The following RUFY3 variants were observed in gnomAD, a reference collection of about 807,000 sequenced individuals.
RUFY3 encodes the protein protein RUFY3.
RUFY3 carries 34 observed loss-of-function variants against 84.0 expected under a neutral mutation model. The observed-to-expected ratio is 0.40, with a 90% CI of 0.31 to 0.54. RUFY3 has a LOEUF of 0.54. Among genes scored for constraint, RUFY3 ranks in the 20% least tolerant of loss-of-function variants. RUFY3 has a pLI of 0.39. For missense variants in RUFY3, 507 were observed against 736.8 expected, an observed-to-expected ratio of 0.69 and a Z score of 3.61; for synonymous variants, 242 against 252.9, an observed-to-expected ratio of 0.96 and a Z score of 0.41.
intron 16 of RUFY3, 79 bp from the exon 17 acceptor site, chr4:70,804,269 G>T: frequency 9.1e-7 from 1 of 1,098,068 alleles, no homozygotes. Context: ...TATTAATATT[G>T]TAGGTAAAAA....
chr4:70,746,019 A>G (rs7698853), intron 1 of RUFY3, among the ~76,000 whole-genome samples: 20,045 of 151,402 alleles, frequency 0.13, 2,983 homozygotes, highest in African/African-American at 0.37. Context: ...CAGCCTGGGC[A>G]ATAGAGTGAG....
upstream of RUFY3, chr4:70,721,786 A>G (rs1334289700): frequency 2.4e-6 from 2 of 835,296 alleles, no homozygotes; most frequent in Admixed American, 6.2e-5. Flanking sequence ...TGATGAGGAT[A>G]TGTGCATTGT....
At chr4:70,747,483 A>G (rs1431498318) in intron 1 of RUFY3, among the ~76,000 whole-genome samples, 2 of 150,500 alleles carry the variant, frequency 1.3e-5, no homozygotes, top group African/African-American at 4.9e-5. Context: ...TACGGTAGCC[A>G]CTGTCTAGGT....
chr4:70,725,402 C>G (rs1718067083), intron 1 of RUFY3, among the ~76,000 whole-genome samples: 1 of 151,282 alleles, frequency 6.6e-6, no homozygotes, highest in Non-Finnish European at 1.5e-5. Context: ...GCAATCTTGG[C>G]TCACTGAAAA....
rs956677220 is a variant in RUFY3, at chr4:70,778,905, G to T, written c.894+467G>T. Among the ~76,000 whole-genome samples the T allele has an allele frequency of 5.3e-5, 8 of 152,140 alleles. No homozygotes were observed. The East Asian group carries it at 9.7e-4, about 18-fold the overall frequency. ...CATAACTCCTTATTCTGACTAGAAC[G>T]GCCCAGTTGGCTTATTGCAGGGATC... is the stretch of plus-strand genomic sequence containing the variant. On this transcript the variant is annotated intron_variant, in intron 8 of 17. Transcript: ENST00000381006.
intron 1 of RUFY3, among the ~76,000 whole-genome samples, chr4:70,711,940 A>G (rs1741046732): frequency 6.6e-6 from 1 of 152,108 alleles, no homozygotes; most frequent in African/African-American, 2.4e-5. Context: ...TGTTGCACCT[A>G]TTCTTCTGGC....
chr4:70,750,873 A>G (rs1192349362), intron 1 of RUFY3, among the ~76,000 whole-genome samples: 1 of 152,136 alleles, frequency 6.6e-6, no homozygotes, highest in Non-Finnish European at 1.5e-5. Context: ...TCTTTCACTT[A>G]GTATATGTTT....
Position 70,806,662 on chromosome 4 carries a change from C to T in RUFY3, c.*3C>T, listed in dbSNP as rs775811908. On this transcript the variant is annotated 3_prime_UTR_variant, in exon 18 of 18. Transcript: ENST00000381006. ...AATATTCTACCAGCCCATCATAAGA[C>T]TGGAGGCCAAGACCTGGACCAAAAC... is the stretch of plus-strand genomic sequence containing the variant. 1 of 1,614,032 alleles carries T rather than the reference C, an allele frequency of 6.2e-7. No homozygotes were observed. The highest frequency in any genetic ancestry group is 2.2e-5 in the East Asian group (1 of 44,866).
In RUFY3 at chr4:70,775,097, T is replaced by C. The variant is rs567860496; in HGVS notation, c.759-71T>C. On this transcript the variant is annotated intron_variant, in intron 6 of 17. Transcript: ENST00000381006. ...TCTCATGTTTTATGAAAAGATGGGG[T>C]GGGGTGGGGTTGGGATCTTGGTATT... 6 of 964,378 alleles carry C rather than the reference T, an allele frequency of 6.2e-6. No homozygotes were observed. In the African/African-American group the frequency reaches 7.0e-5, roughly 11 times the overall value. 59.7% of individuals were successfully genotyped at this position (964,378 alleles called of 1,614,324 possible).
chr4:70,764,716 A>T (rs1380781442), intron 4 of RUFY3, 140 bp downstream of exon 4: 4 of 594,448 alleles, frequency 6.7e-6, no homozygotes, highest in Non-Finnish European at 1.2e-5. Context: ...CTCATACCTC[A>T]CACACATATC....
At chr4:70,761,318 C>T (rs1725001239) in intron 1 of RUFY3, among the ~76,000 whole-genome samples, 1 of 152,118 alleles carries the variant, frequency 6.6e-6, no homozygotes, top group Non-Finnish European at 1.5e-5. Flanking sequence ...AGGGAGAATA[C>T]CTAAATATGA....
chr4:70,737,553 G>T (rs1394791627), intron 1 of RUFY3, among the ~76,000 whole-genome samples: 1 of 152,128 alleles, frequency 6.6e-6, no homozygotes, highest in African/African-American at 2.4e-5. Context: ...CTACTGGTCA[G>T]GGCTTTCTTT....
upstream of RUFY3, among the ~76,000 whole-genome samples, chr4:70,721,497 A>T (rs1218118142): frequency 6.6e-6 from 1 of 152,146 alleles, no homozygotes; most frequent in African/African-American, 2.4e-5. Flanking sequence ...AATGCCCAAG[A>T]ATAAGATATT....
intron 9 of RUFY3, among the ~76,000 whole-genome samples, chr4:70,783,494 C>CATG: frequency 6.6e-6 from 1 of 152,308 alleles, no homozygotes; most frequent in South Asian, 2.1e-4. Flanking sequence ...CATACTATTA[C>CATG]TTTTATAGCA....
At chr4:70,714,252 C>G (rs1741328121) in intron 1 of RUFY3, among the ~76,000 whole-genome samples, 1 of 152,148 alleles carries the variant, frequency 6.6e-6, no homozygotes, top group Non-Finnish European at 1.5e-5. Context: ...TTCAGGCAAC[C>G]AGCCCTCTGG....
At chr4:70,787,893 G>T (rs1452446827) in intron 10 of RUFY3, among the ~76,000 whole-genome samples, 1 of 152,160 alleles carries the variant, frequency 6.6e-6, no homozygotes, top group African/African-American at 2.4e-5. Flanking sequence ...GCACAAGGCA[G>T]ATGCAGAAGA....
intron 7 of RUFY3, among the ~76,000 whole-genome samples, chr4:70,775,946 A>AAAAAAAAAAAAAC (rs756167508): frequency 0.086 from 11,908 of 137,676 alleles, 1,487 homozygotes; most frequent in African/African-American, 0.3. Flanking sequence ...GTCTTAAACA[A>AAAAAAAAAAAAAC]AAAAAAAAAA....
chr4:70,804,125 T>G (rs1019270794), intron 16 of RUFY3, among the ~76,000 whole-genome samples: 9 of 152,198 alleles, frequency 5.9e-5, no homozygotes, highest in African/African-American at 9.7e-5. Context: ...TGTTTGAATT[T>G]TCTTTTTAGA....
chr4:70,799,629 G>T (rs77863778), intron 14 of RUFY3: 6,252 of 153,496 alleles, frequency 0.041, 290 homozygotes, highest in East Asian at 0.2. Flanking sequence ...GGGAGGCAGA[G>T]GCTGCAGTGA....
Sources: gnomAD v4.1 joint callset for allele counts (sites outside exome capture counted in the v4.1 genomes callset) on GRCh38, gnomAD v4.1.1 for gene constraint, MANE v1.5 for transcripts, NCBI Gene and HGNC (gene_info 2026-07-23, HGNC 2026-07-21) for gene names.